Variants in SNED1 observed in about 807,000 individuals in gnomAD.
SNED1 encodes the protein sushi, nidogen and EGF like domains 1, also known as sushi, nidogen and EGF-like domain-containing protein 1.
Under a neutral mutation model 166.7 loss-of-function variants are expected in SNED1, and 81 were observed. The observed-to-expected ratio is 0.49, with a 90% confidence interval of 0.41 to 0.58. SNED1 has a LOEUF of 0.58. SNED1 is among the 20% of genes least tolerant of loss of function. The pLI, the probability that SNED1 is intolerant of heterozygous loss-of-function variation, is 0.00. For synonymous variants in SNED1, 762 were observed against 822.0 expected, an observed-to-expected ratio of 0.93 and a Z score of 1.25; for missense variants, 1,604 against 2,000.2, an observed-to-expected ratio of 0.80 and a Z score of 3.78.
Position 241,018,391 on chromosome 2 carries a change from A to G in SNED1, c.214-11893A>G, listed in dbSNP as rs2060664095. Reference sequence around the variant, plus strand: ...CCAGCGCAGGTCAGGTTGCCAGCTCAGCAGTAGCCTGACTCAGGCAGGCCA... The same window carrying G: ...CCAGCGCAGGTCAGGTTGCCAGCTCGGCAGTAGCCTGACTCAGGCAGGCCA... On this transcript the variant is annotated intron_variant, in intron 1 of 31. Transcript: ENST00000310397. This position sits in a 1 kb window ranked among gnomAD's most constrained non-coding sequence, Gnocchi z 5.4. Among the ~76,000 whole-genome samples the G allele has an allele frequency of 6.6e-6, 1 of 152,204 alleles. No individual in the cohort carries two copies. The highest frequency in any genetic ancestry group is 2.4e-5 in the African/African-American group (1 of 41,462).
intron 17 of SNED1, 98 bp downstream of exon 17, chr2:241,063,002 C>T: frequency 2.7e-6 from 2 of 742,190 alleles, no homozygotes; most frequent in Non-Finnish European, 4.3e-6. Flanking sequence ...TCTGGATGGC[C>T]AGGGTGGCCA....
chr2:240,998,970 A>C lies in SNED1; in HGVS notation c.133A>C (p.Lys45Gln). 7.6e-7 allele frequency: 1 copy of C among 1,321,806 alleles called. No individual in the cohort carries two copies. The highest frequency in any genetic ancestry group is 9.7e-7 in the Non-Finnish European group (1 of 1,033,184). The allele number at this position is 1,321,806 out of a possible 1,614,324, so 81.9% of individuals were successfully genotyped here. Residue 45 changes from lysine to glutamine, a missense_variant, in exon 1 of 32, where the codon AAG becomes CAG. Around this residue, in one of 2 missense-constraint regions of SNED1, gnomAD observed 1,237 missense variants for 1,620.8 expected, o/e 0.76. Coordinates refer to ENST00000310397, the MANE Select transcript of SNED1 (RefSeq NM_001080437.3). ...CGAGCGCGGCGACGCCGTCACCCCC[A>C]AGCAGGACGACGGCGGCTCGGGGCT... ...GAERGDAVTP[K>Q]QDDGGSGLRP...
At chr2:241,029,840 C>A (rs78982203) in intron 1 of SNED1, among the ~76,000 whole-genome samples, 3 of 151,968 alleles carry the variant, frequency 2.0e-5, no homozygotes, top group Non-Finnish European at 2.9e-5. Context: ...CCGAAGCCCA[C>A]CTTGTGTGAC....
At chr2:241,005,985 C>T (rs938814557) in intron 1 of SNED1, among the ~76,000 whole-genome samples, 27 of 151,962 alleles carry the variant, frequency 1.8e-4, no homozygotes, top group Non-Finnish European at 3.7e-4. Flanking sequence ...TTTTTTCTGT[C>T]CTTTCTCTCC....
intron 16 of SNED1, among the ~76,000 whole-genome samples, chr2:241,060,182 A>G (rs917483317): frequency 2.0e-5 from 3 of 151,030 alleles, no homozygotes; most frequent in African/African-American, 7.4e-5. Flanking sequence ...AGCTAAAACT[A>G]TAAACTTTTT....
rs541375700 is a variant in SNED1, at chr2:241,070,878, T to C, written c.3589+677T>C. Among the ~76,000 whole-genome samples the C allele has an allele frequency of 2.2e-3, 340 of 152,208 alleles. 2 individuals are homozygous for C. The highest frequency in any genetic ancestry group is 7.9e-3 in the African/African-American group (328 of 41,532). ...GCCACGGCGGGACAGAGCAGAGCAG[T>C]GCGCGGCTCCCCAGGGAAGAGAGGG... On this transcript the variant is annotated intron_variant, in intron 24 of 31. Coordinates refer to ENST00000310397, the MANE Select transcript of SNED1 (RefSeq NM_001080437.3).
intron 29 of SNED1, among the ~76,000 whole-genome samples, chr2:241,084,066 A>C (rs2063460627): frequency 1.3e-5 from 2 of 150,748 alleles, no homozygotes; most frequent in Non-Finnish European, 2.9e-5. Context: ...TGCCATACAC[A>C]TCTTCACCTT....
chr2:241,020,252 T>C (rs959533570), intron 1 of SNED1, among the ~76,000 whole-genome samples: 9 of 152,240 alleles, frequency 5.9e-5, no homozygotes, highest in African/African-American at 2.2e-4. Context: ...AACTTCAATG[T>C]TTCTGGTCCT....
In SNED1 at chr2:241,082,384, C is replaced by A; in HGVS notation, c.4121+20C>A. On this transcript the variant is annotated intron_variant, in intron 29 of 31. Transcript: ENST00000310397. Reference sequence around the variant, plus strand: ...CCACGTGTAAGTTGGTTTCTGTCCTCCGCCTTACCGCATTTGTCGTGTGTT... The same window carrying A: ...CCACGTGTAAGTTGGTTTCTGTCCTACGCCTTACCGCATTTGTCGTGTGTT... 1 of 1,582,958 alleles carries A rather than the reference C, an allele frequency of 6.3e-7. No homozygotes were observed. Among genetic ancestry groups the A allele is most frequent in the South Asian group, 1.1e-5 (1 of 90,380 alleles).
Position 241,004,314 on chromosome 2 carries a change from G to A in SNED1, c.213+5264G>A, listed in dbSNP as rs74807387. Among the ~76,000 whole-genome samples the A allele has an allele frequency of 2.9e-3, 446 of 152,238 alleles. 2 individuals are homozygous for A. Among genetic ancestry groups the A allele is most frequent in the African/African-American group, 8.3e-3 (345 of 41,544 alleles). On this transcript the variant is annotated intron_variant, in intron 1 of 31. Transcript: ENST00000310397. Reference sequence around the variant, plus strand: ...CTTGTAAATGCTAAAAAAAAGAAGTGTAGTACTGATTTTTTTTAATCCAGC... The same window carrying A: ...CTTGTAAATGCTAAAAAAAAGAAGTATAGTACTGATTTTTTTTAATCCAGC...
chr2:241,071,381 C>G, intron 24 of SNED1, 195 bp from the exon 25 acceptor site: 1 of 628,014 alleles, frequency 1.6e-6, no homozygotes, highest in Admixed American at 2.7e-5. Flanking sequence ...AGAAGGGATG[C>G]GGCGGGTGGG....
chr2:241,056,580 A>ATTTTTTTTTTTTTTT lies in SNED1; in HGVS notation c.2257+3258_2257+3272dup, dbSNP rs1172411061. ...GAATTAGGAATTCTGAATAAGTGAA[A>ATTTTTTTTTTTTTTT]TTTTTTTTTTTTTTTTTTGAGACGG... is the stretch of plus-strand genomic sequence containing the variant. On this transcript the variant is annotated intron_variant, in intron 16 of 31. Transcript: ENST00000310397. Among the ~76,000 whole-genome samples, 12 of 111,220 alleles carry ATTTTTTTTTTTTTTT rather than the reference A, an allele frequency of 1.1e-4. 1 individual carries two copies. Among genetic ancestry groups the ATTTTTTTTTTTTTTT allele is most frequent in the African/African-American group, 3.1e-4 (8 of 25,630 alleles). 73.0% of individuals were successfully genotyped at this position (111,220 alleles called of 152,430 possible).
intron 8 of SNED1, among the ~76,000 whole-genome samples, chr2:241,044,174 T>C (rs12329150): frequency 0.014 from 2,180 of 152,270 alleles, 52 homozygotes; most frequent in African/African-American, 0.05. Context: ...TAAAAGCCGA[T>C]AGCAAGATGA....
intron 16 of SNED1, among the ~76,000 whole-genome samples, chr2:241,061,938 A>C (rs981295671): frequency 1.3e-5 from 2 of 152,212 alleles, no homozygotes; most frequent in African/African-American, 4.8e-5. Flanking sequence ...GAATGGGTGA[A>C]GTATGATATA....
intron 24 of SNED1, among the ~76,000 whole-genome samples, chr2:241,070,820 G>A (rs1176791907): frequency 1.3e-5 from 2 of 152,230 alleles, no homozygotes; most frequent in Non-Finnish European, 2.9e-5. Context: ...AACAGGGAGA[G>A]AAGAAAGAGA....
At chr2:241,024,901 T>C (rs2124940271) in intron 1 of SNED1, among the ~76,000 whole-genome samples, 1 of 152,286 alleles carries the variant, frequency 6.6e-6, no homozygotes, top group East Asian at 1.9e-4. Flanking sequence ...CTCAAACTCC[T>C]GACCTTAGGT....
chr2:241,037,578 C>T (rs1436651060), intron 6 of SNED1, among the ~76,000 whole-genome samples: 1 of 152,210 alleles, frequency 6.6e-6, no homozygotes, highest in Admixed American at 6.5e-5. Flanking sequence ...GCTTCCTAGA[C>T]CATGGCATTC....
rs1173367016 is a variant in SNED1, at chr2:241,081,792, C to A, written c.4032C>A (p.Leu1344=). The part of the protein sequence containing the change: ...GPGFKGRRCE[L]ACIKVSRPCT... ...GGTTCAAAGGCAGACGCTGCGAGCT[C>A]GGTAAGTCGGGGCTTGGCCTCAGGG... The change falls in exon 28 of 32, where the codon CTC becomes CTA. Residue 1344 remains leucine, a splice_region_variant and synonymous_variant. Coordinates refer to ENST00000310397, the MANE Select transcript of SNED1 (RefSeq NM_001080437.3). The A allele has an allele frequency of 6.3e-7, 1 of 1,576,288 alleles. No individual in the cohort carries two copies. The highest frequency in any genetic ancestry group is 2.3e-5 in the East Asian group (1 of 42,768).
rs532715100 is a variant in SNED1, at chr2:241,075,073, G to A, written c.3916+1709G>A. The A allele has an allele frequency of 8.5e-5, 13 of 152,308 alleles. No individual in the cohort carries two copies. The highest frequency in any genetic ancestry group is 3.9e-4 in the East Asian group (2 of 5,186). The allele number at this position is 152,308 out of a possible 1,614,324, so 9.4% of individuals were successfully genotyped here. Reference sequence around the variant, plus strand: ...TTCTCGGACTGAGGTTGGCCCATGCGGTCTGGGCGGCTGCGGCTTATTCAC... The same window carrying A: ...TTCTCGGACTGAGGTTGGCCCATGCAGTCTGGGCGGCTGCGGCTTATTCAC... On this transcript the variant is annotated intron_variant, in intron 27 of 31. Coordinates refer to ENST00000310397, the MANE Select transcript of SNED1 (RefSeq NM_001080437.3). The surrounding 1 kb of genome is among the most constrained non-coding windows in gnomAD (Gnocchi z 4.8).
Sources: gnomAD v4.1 joint callset for allele counts (sites outside exome capture counted in the v4.1 genomes callset) on GRCh38, gnomAD v4.1.1 for gene constraint, gnomAD v4.1.1 regional missense constraint, Gnocchi (gnomAD v3.1) non-coding constraint, MANE v1.5 for transcripts, NCBI Gene and HGNC (gene_info 2026-07-23, HGNC 2026-07-21) for gene names.